The following HEXB variants were observed in gnomAD, a reference collection of about 807,000 sequenced individuals.
The protein encoded by HEXB is hexosaminidase subunit beta, also known as beta-hexosaminidase subunit beta.
HEXB carries 51 observed loss-of-function variants against 71.2 expected under a neutral mutation model. That is an observed-to-expected ratio of 0.72 (90% CI 0.57 to 0.90). HEXB has a LOEUF of 0.90. Among genes scored for constraint, HEXB ranks in the 40% least tolerant of loss-of-function variants. The pLI, the probability that HEXB is intolerant of heterozygous loss-of-function variation, is 0.00. For synonymous variants in HEXB, 266 were observed against 249.3 expected (o/e 1.07, Z -0.63); for missense variants, 617 against 677.0 (o/e 0.91, Z 0.98).
intron 5 of HEXB, among the ~76,000 whole-genome samples, chr5:74,702,067 CTTTTTTTTTTT>C (rs60295789): frequency 3.3e-5 from 2 of 60,554 alleles, no homozygotes; most frequent in African/African-American, 1.3e-4. Flanking sequence ...CTTTCCTTGT[CTTTTTTTTTTT>C]TTTTTTTTTT....
At chr5:74,705,760 C>T in intron 6 of HEXB, 2 of 243,718 alleles carry the variant, frequency 8.2e-6, no homozygotes, top group Non-Finnish European at 1.6e-5. Context: ...TAATGGTAGT[C>T]TCAGTTAACA....
In HEXB at chr5:74,652,319, C is replaced by G. The variant is rs1358223143; in HGVS notation, c.-377+11761C>G. On this transcript the variant is annotated intron_variant, in intron 1 of 13. Transcript: ENST00000511181. The surrounding 1 kb of genome is among the most constrained non-coding windows in gnomAD (Gnocchi z 5.4). Reference sequence around the variant, plus strand: ...AGTTATTAAATGGCAGAATCCAGACCCCTCGCTTTCTTTTTCAGAGCTGTG... The same window carrying G: ...AGTTATTAAATGGCAGAATCCAGACGCCTCGCTTTCTTTTTCAGAGCTGTG... Among the ~76,000 whole-genome samples, 4 of 152,056 alleles carry G rather than the reference C, an allele frequency of 2.6e-5. No homozygotes were observed. Among genetic ancestry groups the G allele is most frequent in the African/African-American group, 9.7e-5 (4 of 41,400 alleles).
chr5:74,699,400 G>A (rs187584230), intron 5 of HEXB, among the ~76,000 whole-genome samples: 4 of 151,570 alleles, frequency 2.6e-5, no homozygotes, highest in Non-Finnish European at 4.4e-5. Flanking sequence ...TCTGTCTCTC[G>A]AGTAGCTGGG....
intron 3 of HEXB, among the ~76,000 whole-genome samples, chr5:74,695,639 G>A (rs1749096491): frequency 6.6e-6 from 1 of 150,964 alleles, no homozygotes; most frequent in South Asian, 2.1e-4. Context: ...TCAGGAGTTG[G>A]AGACCAGCCT....
At chr5:74,708,390 C>T (rs890627235) in intron 6 of HEXB, among the ~76,000 whole-genome samples, 55 of 148,060 alleles carry the variant, frequency 3.7e-4, no homozygotes, top group Non-Finnish European at 7.3e-4. Context: ...AACTAACAAG[C>T]AAAATAACCA....
chr5:74,686,669 G>A (rs1193158367), intron 1 of HEXB, among the ~76,000 whole-genome samples: 1 of 152,154 alleles, frequency 6.6e-6, no homozygotes, highest in Admixed American at 6.5e-5. Context: ...ACAACTAAAT[G>A]GGTATTATCA....
chr5:74,685,984 A>C (rs962976006), intron 1 of HEXB, among the ~76,000 whole-genome samples: 8 of 152,186 alleles, frequency 5.3e-5, no homozygotes, highest in African/African-American at 1.9e-4. Flanking sequence ...TTTATAGGCC[A>C]GTTTCGCCCC....
At chr5:74,690,230 G>T (rs1012762686) in intron 2 of HEXB, among the ~76,000 whole-genome samples, 1 of 152,098 alleles carries the variant, frequency 6.6e-6, no homozygotes, top group South Asian at 2.1e-4. Flanking sequence ...ATAAGTGGGC[G>T]TGCCATTTCT....
chr5:74,674,607 A>G (rs1748598972), intron 1 of HEXB, among the ~76,000 whole-genome samples: 1 of 148,170 alleles, frequency 6.7e-6, no homozygotes, highest in Admixed American at 6.7e-5. Context: ...CTGTCTCAGA[A>G]AAAAAAAAAA....
chr5:74,645,596 G>A (rs911077743), intron 1 of HEXB, among the ~76,000 whole-genome samples: 2 of 152,132 alleles, frequency 1.3e-5, no homozygotes, highest in Non-Finnish European at 2.9e-5. Flanking sequence ...AGCCCTTCAA[G>A]GAGTGACATT....
intron 1 of HEXB, among the ~76,000 whole-genome samples, chr5:74,661,513 C>CTG (rs1179218651): frequency 3.1e-3 from 263 of 84,982 alleles, no homozygotes; most frequent in South Asian, 8.0e-3. Flanking sequence ...TTCTCTCTCT[C>CTG]TGTGTGTGTG....
rs1218416483 is a variant in HEXB at position 74,696,627 on chromosome 5, AAT to A, written c.512-62_512-61del. The stretch of plus-strand genomic sequence containing the variant: ...TACCTGGTTATGAGTCTGTTTGAAT[AAT>A]ATAACTTTTATCATCTCAATTTGTT... On this transcript the variant is annotated intron_variant, in intron 3 of 13. Coordinates refer to ENST00000261416, the MANE Select transcript of HEXB (RefSeq NM_000521.4). The A allele has an allele frequency of 3.5e-6, 3 of 858,970 alleles. No homozygotes were observed. The African/African-American group carries it at 5.0e-5, about 14-fold the overall frequency. 53.2% of individuals were successfully genotyped at this position (858,970 alleles called of 1,614,324 possible).
intron 1 of HEXB, among the ~76,000 whole-genome samples, chr5:74,660,690 T>C (rs1055719211): frequency 2.0e-5 from 3 of 152,168 alleles, no homozygotes; most frequent in African/African-American, 7.2e-5. Context: ...GCAATCCCAA[T>C]ACAAAACTCA....
chr5:74,697,237 A>C (rs1749133729), intron 5 of HEXB, 131 bp downstream of exon 5: 3 of 667,000 alleles, frequency 4.5e-6, no homozygotes, highest in South Asian at 3.3e-5. Context: ...TTCTTTCCTC[A>C]GTTCCTAGGG....
chr5:74,705,124 A>C, intron 5 of HEXB, 95 bp from the exon 6 acceptor site: 1 of 744,538 alleles, frequency 1.3e-6, no homozygotes, highest in Admixed American at 2.0e-5. Flanking sequence ...TTTTAAAGGA[A>C]GCAGACATAT....
chr5:74,668,315 T>A (rs1748473761), intron 1 of HEXB, among the ~76,000 whole-genome samples: 1 of 152,044 alleles, frequency 6.6e-6, no homozygotes, highest in South Asian at 2.1e-4. Context: ...TTCAGTTCTG[T>A]TTTTTTATAA....
At chr5:74,672,420 C>G (rs1200848684) in intron 1 of HEXB, among the ~76,000 whole-genome samples, 1 of 152,238 alleles carries the variant, frequency 6.6e-6, no homozygotes, top group Non-Finnish European at 1.5e-5. Context: ...CCAGTGCCAG[C>G]TGCCTGCCTG....
At chr5:74,672,353 T>C (rs1748555571) in intron 1 of HEXB, among the ~76,000 whole-genome samples, 1 of 152,248 alleles carries the variant, frequency 6.6e-6, no homozygotes, top group Non-Finnish European at 1.5e-5. Context: ...AGCTGAGCTT[T>C]CTGGTCCTTT....
chr5:74,715,665 G>A lies in HEXB; in HGVS notation c.1057G>A (p.Gly353Arg). Residue 353 changes from glycine (G) to arginine (R), a missense_variant, in exon 8 of 14, where the codon GGA becomes AGA. By Grantham distance (125) the Gly-to-Arg change is moderately radical. Coordinates refer to ENST00000261416, the MANE Select transcript of HEXB (RefSeq NM_000521.4). Reference protein sequence around the residue: ...VFPDQFIHLGGDEVEFKCWES... With the variant: ...VFPDQFIHLGRDEVEFKCWES... Reference sequence around the variant, plus strand: ...TCCAGATCAATTCATTCATTTGGGAGGAGATGAAGTGGAATTTAAATGTTG... The same window carrying A: ...TCCAGATCAATTCATTCATTTGGGAAGAGATGAAGTGGAATTTAAATGTTG... The A allele has an allele frequency of 6.2e-7, 1 of 1,607,568 alleles. No individual in the cohort carries two copies. The highest frequency in any genetic ancestry group is 8.5e-7 in the Non-Finnish European group (1 of 1,174,470).
Sources: allele counts gnomAD v4.1 joint callset (sites outside exome capture counted in the v4.1 genomes callset), GRCh38; gene constraint gnomAD v4.1.1; non-coding constraint Gnocchi (gnomAD v3.1); transcripts MANE v1.5; gene names NCBI Gene and HGNC (gene_info 2026-07-23, HGNC 2026-07-21).